Variants in ANKRD35 observed in about 807,000 individuals in gnomAD.
ANKRD35 encodes ankyrin repeat domain 35.
A neutral mutation model predicts 109.9 loss-of-function variants in ANKRD35; 102 were observed. The ratio of observed to expected loss-of-function variants is 0.93; its 90% CI spans 0.79 to 1.09. The LOEUF is 1.09. ANKRD35 is among the 50% of genes least tolerant of loss of function. ANKRD35 has a pLI of 0.00. For missense variants in ANKRD35, 1,240 were observed against 1,230.1 expected, an observed-to-expected ratio of 1.01 and a Z score of -0.12; for synonymous variants, 515 against 512.4, an observed-to-expected ratio of 1.01 and a Z score of -0.07.
intron 10 of ANKRD35, among the ~76,000 whole-genome samples, chr1:145,869,051 T>C (rs1177440757): frequency 1.3e-5 from 2 of 152,154 alleles, no homozygotes; most frequent in South Asian, 4.1e-4. Flanking sequence ...GGGCTTAGGT[T>C]TTGTAACCAA....
At chr1:145,881,301 C>CA (rs1377817967) in intron 1 of ANKRD35, among the ~76,000 whole-genome samples, 1 of 151,914 alleles carries the variant, frequency 6.6e-6, no homozygotes, top group Non-Finnish European at 1.5e-5. Context: ...AACAAACAAA[C>CA]AAAAAAAGAA....
At chr1:145,883,445 T>G (rs1654366073) in intron 1 of ANKRD35, among the ~76,000 whole-genome samples, 1 of 152,226 alleles carries the variant, frequency 6.6e-6, no homozygotes, top group African/African-American at 2.4e-5. Context: ...CTAGGCAGAG[T>G]AAGCTCATAG....
chr1:145,873,246 G>T lies in ANKRD35; in HGVS notation c.1523C>A (p.Ala508Asp), dbSNP rs782766713. The change falls in exon 10 of 14, where the codon GCT (alanine) becomes GAT (aspartate). Residue 508 changes from alanine to aspartate, a missense_variant. By Grantham distance (126) the Ala-to-Asp change is moderately radical. Coordinates refer to ENST00000355594, the MANE Select transcript of ANKRD35 (RefSeq NM_144698.5). ...ELAAVWREKD[A>D]ARGALSRPVM... is the part of the protein sequence containing the mutation. ...CGGTCTTGACAAAGCCCCCCGGGCA[G>T]CATCCTTTTCTCGCCACACTGCAGC... 1 of 1,614,164 alleles carries T rather than the reference G, an allele frequency of 6.2e-7. No individual in the cohort carries two copies. Among genetic ancestry groups the T allele is most frequent in the Non-Finnish European group, 8.5e-7 (1 of 1,179,998 alleles).
At position 145,874,852 on chromosome 1, in the gene ANKRD35, G is replaced by A. The variant is rs1654000613; in HGVS notation, c.715C>T (p.Gln239Ter). The change falls in exon 8 of 14, where the codon CAG becomes TAG. Residue 239 changes from glutamine to a stop codon, truncating the protein, a stop_gained. Coordinates refer to ENST00000355594, the MANE Select transcript of ANKRD35 (RefSeq NM_144698.5). LOFTEE classifies it high-confidence loss of function. The part of the protein sequence containing the change: ...TQDKALWRHL[Q>*]QALSRRRRGG... ...CGCCGCCGCCGGCTCAGGGCCTGCT[G>A]TAGGTGCCTCCACAGTGCCTTGTCT... is the stretch of plus-strand genomic sequence containing the variant. The A allele has an allele frequency of 1.2e-6, 2 of 1,608,192 alleles. No homozygotes were observed. Among genetic ancestry groups the A allele is most frequent in the Non-Finnish European group, 1.7e-6 (2 of 1,177,052 alleles).
intron 11 of ANKRD35, 59 bp downstream of exon 11, chr1:145,868,252 T>A: frequency 1.3e-6 from 2 of 1,553,542 alleles, no homozygotes; most frequent in Non-Finnish European, 1.8e-6. Context: ...CTCCCACATA[T>A]ACATCACTTC....
In ANKRD35 at chr1:145,874,836, C is replaced by T. The variant is rs146006151; in HGVS notation, c.731G>A (p.Arg244Gln). ...AGGGCCTTTACCGCCCCGCCGCCGC[C>T]GGCTCAGGGCCTGCTGTAGGTGCCT... The part of the protein sequence containing the change: ...LWRHLQQALS[R>Q]RRRGGQRLVQ... The change falls in exon 8 of 14, where the codon CGG becomes CAG. Residue 244 changes from arginine (R) to glutamine (Q), a missense_variant. Transcript: ENST00000355594. 1.2e-4 allele frequency: 193 copies of T among 1,589,530 alleles called. No homozygotes were observed. In the African/African-American group the frequency reaches 2.1e-3, roughly 17 times the overall value.
rs782300482 is a variant in ANKRD35 at position 145,873,312 on chromosome 1, G to GCTGGGCCCACTGGTTCAGCCA, written c.1436_1456dup (p.Val479_Pro485dup). The GCTGGGCCCACTGGTTCAGCCA allele has an allele frequency of 6.2e-7, 1 of 1,614,160 alleles. No homozygotes were observed. Among genetic ancestry groups the GCTGGGCCCACTGGTTCAGCCA allele is most frequent in the Non-Finnish European group, 8.5e-7 (1 of 1,180,022 alleles). On this transcript the variant is annotated inframe_insertion, in exon 10 of 14. Coordinates refer to ENST00000355594, the MANE Select transcript of ANKRD35 (RefSeq NM_144698.5). Reference sequence around the variant, plus strand: ...TTGAAGCAGAAGCTGGTTCATGGCTGCTGGGCCCACTGGTTCAGCCACTGT... The same window carrying GCTGGGCCCACTGGTTCAGCCA: ...TTGAAGCAGAAGCTGGTTCATGGCTGCTGGGCCCACTGGTTCAGCCACTGGGCCCACTGGTTCAGCCACTGT...
intron 1 of ANKRD35, among the ~76,000 whole-genome samples, 160 bp from the exon 2 acceptor site, chr1:145,879,548 C>T (rs1318463333): frequency 6.6e-6 from 1 of 152,028 alleles, no homozygotes; most frequent in Non-Finnish European, 1.5e-5. Context: ...TTAGGTGGGC[C>T]TAGCTAAATC....
intron 7 of ANKRD35, among the ~76,000 whole-genome samples, chr1:145,875,306 C>T (rs993728530): frequency 3.3e-5 from 5 of 150,634 alleles, no homozygotes; most frequent in East Asian, 2.0e-4. Flanking sequence ...CCACCACACC[C>T]GGCTAATTTT....
chr1:145,870,283 G>A (rs976772298), intron 10 of ANKRD35, among the ~76,000 whole-genome samples: 2 of 151,816 alleles, frequency 1.3e-5, no homozygotes, highest in Non-Finnish European at 2.9e-5. Flanking sequence ...TAGTGGAGAC[G>A]GGGTTTCACC....
rs2101704815 is a variant in ANKRD35 at position 145,872,170 on chromosome 1, C to T, written c.2599G>A (p.Val867Met). Residue 867 changes from valine to methionine, a missense_variant, in exon 10 of 14, where the codon GTG becomes ATG. By Grantham distance (21) the Val-to-Met change is conservative. Coordinates refer to ENST00000355594, the MANE Select transcript of ANKRD35 (RefSeq NM_144698.5). ...GCCACCGCCTCCCGCAGCCGACCCA[C>T]TTCCCGGCAGGCCGTATTATACTTT... Reference protein sequence around the residue: ...LEKYNTACREVGRLREAVAEE... With the variant: ...LEKYNTACREMGRLREAVAEE... 6.2e-7 allele frequency: 1 copy of T among 1,609,664 alleles called. No individual in the cohort carries two copies. The highest frequency in any genetic ancestry group is 1.7e-5 in the Admixed American group (1 of 59,246).
chr1:145,878,538 G>C, intron 2 of ANKRD35, 59 bp from the exon 3 acceptor site: 1 of 1,480,730 alleles, frequency 6.8e-7, no homozygotes, highest in Non-Finnish European at 9.2e-7. Context: ...AGGAATGGGA[G>C]AATCTTGATA....
intron 13 of ANKRD35, 45 bp downstream of exon 13, chr1:145,867,242 T>A: frequency 1.5e-6 from 2 of 1,363,844 alleles, no homozygotes; most frequent in Non-Finnish European, 2.1e-6. Context: ...TCCCAAGCCC[T>A]TTCTCCCAAA....
At chr1:145,881,947 TTC>T (rs1478707144) in intron 1 of ANKRD35, among the ~76,000 whole-genome samples, 2 of 145,498 alleles carry the variant, frequency 1.4e-5, no homozygotes, top group East Asian at 3.9e-4. Context: ...TTCTTTCCCC[TTC>T]TTTTTTTTTT....
intron 7 of ANKRD35, 79 bp from the exon 8 acceptor site, chr1:145,875,085 G>C: frequency 7.0e-7 from 1 of 1,421,264 alleles, no homozygotes; most frequent in South Asian, 1.4e-5. Flanking sequence ...CCACTCACAG[G>C]GTAAGCTCTC....
At chr1:145,882,504 T>C (rs909452606) in intron 1 of ANKRD35, among the ~76,000 whole-genome samples, 12 of 150,020 alleles carry the variant, frequency 8.0e-5, no homozygotes, top group Non-Finnish European at 1.3e-4. Context: ...TTGCCCAGGC[T>C]GGTCTCAAAA....
rs782293831 is a variant in ANKRD35, at chr1:145,874,900, G to A, written c.667C>T (p.Leu223=). Residue 223 remains leucine (L), a synonymous_variant, in exon 8 of 14, where the codon CTG becomes TTG. Transcript: ENST00000355594. ...GAVDSTGHDA[L]HYALHTQDKA... ...TCTTGTGTGTGCAGAGCATAGTGCA[G>A]AGCATCATGCCCTGTGCTGTCCACA... 3 of 1,613,840 alleles carry A rather than the reference G, an allele frequency of 1.9e-6. No homozygotes were observed. The South Asian group carries it at 3.3e-5, about 18-fold the overall frequency.
Position 145,872,201 on chromosome 1 carries a change from C to T in ANKRD35, c.2568G>A (p.Leu856=). Residue 856 remains leucine (L), a synonymous_variant, in exon 10 of 14, where the codon CTG becomes CTA. Coordinates refer to ENST00000355594, the MANE Select transcript of ANKRD35 (RefSeq NM_144698.5). ...GGCAGGCCGTATTATACTTTTCCAA[C>T]AGAGCCTTTAGCTCCTGGCCCCAAG... The part of the protein sequence containing the change: ...AQAWGQELKA[L]LEKYNTACRE... The T allele has an allele frequency of 6.2e-7, 1 of 1,609,096 alleles. No homozygotes were observed. Among genetic ancestry groups the T allele is most frequent in the Non-Finnish European group, 8.5e-7 (1 of 1,178,154 alleles).
chr1:145,877,873 T>A, intron 4 of ANKRD35, 95 bp downstream of exon 4: 1 of 1,254,692 alleles, frequency 8.0e-7, no homozygotes, highest in Non-Finnish European at 1.2e-6. Context: ...GCGAGTACAT[T>A]TGGCCAACTA....
Sources: gnomAD v4.1 joint callset for allele counts (sites outside exome capture counted in the v4.1 genomes callset) on GRCh38, gnomAD v4.1.1 for gene constraint, MANE v1.5 for transcripts, NCBI Gene and HGNC (gene_info 2026-07-23, HGNC 2026-07-21) for gene names.